GYS2: variants seen among roughly 807,000 people sequenced by gnomAD.
GYS2 encodes the protein glycogen synthase 2.
A neutral mutation model predicts 85.6 loss-of-function variants in GYS2; 80 were observed. The observed-to-expected ratio is 0.93, with a 90% CI of 0.78 to 1.13. The LOEUF (loss-of-function observed/expected upper bound fraction) is 1.13. Ranked by LOEUF, GYS2 falls within the 50% of genes most tolerant of loss-of-function variation. The pLI is 0.00. For missense variants in GYS2, 881 were observed against 854.9 expected, an observed-to-expected ratio of 1.03 and a Z score of -0.38; for synonymous variants, 328 against 300.7, an observed-to-expected ratio of 1.09 and a Z score of -0.94.
intron 4 of GYS2, among the ~76,000 whole-genome samples, chr12:21,572,741 T>C (rs1245279933): frequency 6.6e-6 from 1 of 152,228 alleles, no homozygotes; most frequent in Admixed American, 6.5e-5. Context: ...TATATAACTA[T>C]ATACTATAAT....
chr12:21,560,667 A>C (rs1238910077), intron 7 of GYS2, among the ~76,000 whole-genome samples, 175 bp from the exon 8 acceptor site: 1 of 152,246 alleles, frequency 6.6e-6, no homozygotes, highest in Non-Finnish European at 1.5e-5. Flanking sequence ...CAGAAATTTT[A>C]ATTAAAATCA....
At chr12:21,589,477 G>A (rs1461715934) in intron 1 of GYS2, among the ~76,000 whole-genome samples, 1 of 152,138 alleles carries the variant, frequency 6.6e-6, no homozygotes, top group African/African-American at 2.4e-5. Context: ...ACTAAGGGCA[G>A]CTGACACTCA....
chr12:21,587,621 C>A (rs920821325), intron 1 of GYS2, among the ~76,000 whole-genome samples: 1 of 152,052 alleles, frequency 6.6e-6, no homozygotes, highest in Non-Finnish European at 1.5e-5. Flanking sequence ...AACTGTGAGA[C>A]AATTAAACGT....
chr12:21,549,655 T>A (rs1944083011), intron 11 of GYS2, among the ~76,000 whole-genome samples: 1 of 152,216 alleles, frequency 6.6e-6, no homozygotes. Context: ...TTTATTTTGA[T>A]GTATGTCCCT....
intron 1 of GYS2, among the ~76,000 whole-genome samples, chr12:21,592,859 C>G (rs924278956): frequency 3.3e-5 from 5 of 151,932 alleles, no homozygotes; most frequent in Non-Finnish European, 7.4e-5. Flanking sequence ...GACGCATTCC[C>G]CAGGATACAC....
chr12:21,550,855 C>T (rs983851070), intron 11 of GYS2, among the ~76,000 whole-genome samples: 9 of 152,004 alleles, frequency 5.9e-5, no homozygotes, highest in Non-Finnish European at 1.0e-4. Flanking sequence ...GCAGGAGAAT[C>T]GCCTTGAACC....
chr12:21,539,445 T>C, intron 14 of GYS2, 107 bp from the exon 15 acceptor site: 1 of 752,148 alleles, frequency 1.3e-6, no homozygotes, highest in Non-Finnish European at 2.4e-6. Context: ...ATATGTATTT[T>C]TTAAAGTGAC....
chr12:21,555,123 A>G (rs1473724670), intron 11 of GYS2, among the ~76,000 whole-genome samples: 5 of 152,232 alleles, frequency 3.3e-5, no homozygotes, highest in Admixed American at 3.3e-4. Context: ...TGAGAAAAAC[A>G]GAAGTCTACA....
rs971922065 is a variant in GYS2 at position 21,540,013 on chromosome 12, C to A, written c.1809+397G>T. Among the ~76,000 whole-genome samples the A allele has an allele frequency of 6.6e-5, 10 of 152,318 alleles. No homozygotes were observed. The South Asian group carries it at 1.9e-3, about 28-fold the overall frequency. ...TTCCTGTAGTCATCATTTTGAAAAA[C>A]CATATTATACCCATTACTCACTACA... On this transcript the variant is annotated intron_variant, in intron 14 of 15. Coordinates refer to ENST00000261195, the MANE Select transcript of GYS2 (RefSeq NM_021957.4).
In GYS2 at chr12:21,540,451, C is replaced by T; in HGVS notation, c.1768G>A (p.Glu590Lys). Residue 590 changes from glutamate (E) to lysine (K), a missense_variant, in exon 14 of 16, where the codon GAG (glutamate) becomes AAG (lysine). Glu to Lys is a moderately conservative substitution (Grantham distance 56). Coordinates refer to ENST00000261195, the MANE Select transcript of GYS2 (RefSeq NM_021957.4). The part of the protein sequence containing the change: ...RQRIIQRNRT[E>K]RLSDLLDWRY... ...CAATCCAGAAGATCTGAGAGCCTCT[C>T]AGTTCTGTTCCTCTGGATAATCCTT... The T allele has an allele frequency of 6.2e-7, 1 of 1,614,100 alleles. No homozygotes were observed. The highest frequency in any genetic ancestry group is 8.5e-7 in the Non-Finnish European group (1 of 1,179,980).
At chr12:21,552,113 G>A (rs1253970053) in intron 11 of GYS2, among the ~76,000 whole-genome samples, 2 of 152,156 alleles carry the variant, frequency 1.3e-5, no homozygotes, top group East Asian at 3.9e-4. Context: ...ATGAGATCCT[G>A]TACAAAAATC....
At chr12:21,566,515 T>A (rs1284529549) in intron 5 of GYS2, among the ~76,000 whole-genome samples, 2 of 152,154 alleles carry the variant, frequency 1.3e-5, no homozygotes, top group Non-Finnish European at 2.9e-5. Flanking sequence ...TTGCAGTGTT[T>A]ATGGTTTCTG....
chr12:21,599,112 C>A (rs10734714), intron 1 of GYS2, among the ~76,000 whole-genome samples: 137,808 of 151,612 alleles, frequency 0.91, 63,167 homozygotes, highest in East Asian at 0.99. Context: ...GTCTCTCTCT[C>A]TATATATATG....
At chr12:21,597,915 C>G (rs1944714157) in intron 1 of GYS2, among the ~76,000 whole-genome samples, 1 of 151,984 alleles carries the variant, frequency 6.6e-6, no homozygotes, top group Non-Finnish European at 1.5e-5. Context: ...AACTGGAAGT[C>G]ATTATGTTAA....
In GYS2 at chr12:21,576,040, C is replaced by T. The variant is rs1364491647; in HGVS notation, c.321G>A (p.Trp107Ter). ...CCACATAAGGACTTCCTTCTATCAG[C>T]CATCTTCCAAAATGCACCTGTCATA... ...KHGCQVHFGR[W>*]LIEGSPYVVL... Residue 107 changes from tryptophan to a stop codon, truncating the protein, a stop_gained, in exon 3 of 16, where the codon TGG (tryptophan) becomes TGA (stop). Transcript: ENST00000261195. LOFTEE classifies it high-confidence loss of function. The T allele has an allele frequency of 1.9e-6, 3 of 1,612,808 alleles. No individual in the cohort carries two copies. The highest frequency in any genetic ancestry group is 2.7e-5 in the African/African-American group (2 of 74,872).
At chr12:21,594,937 A>G (rs556607456) in intron 1 of GYS2, among the ~76,000 whole-genome samples, 1 of 152,336 alleles carries the variant, frequency 6.6e-6, no homozygotes, top group African/African-American at 2.4e-5. Context: ...CTAGAAATGC[A>G]TCCACATATT....
intron 5 of GYS2, among the ~76,000 whole-genome samples, chr12:21,565,220 A>G (rs1405490169): frequency 1.3e-5 from 2 of 151,620 alleles, no homozygotes; most frequent in Non-Finnish European, 2.9e-5. Flanking sequence ...AATTTAACAA[A>G]GAGTACTCCA....
chr12:21,558,743 G>A (rs1591789317), intron 10 of GYS2, among the ~76,000 whole-genome samples: 1 of 152,166 alleles, frequency 6.6e-6, no homozygotes, highest in African/African-American at 2.4e-5. Context: ...AATTCCACTC[G>A]ACTAAGAAAT....
At chr12:21,566,883 A>T (rs537803640) in intron 5 of GYS2, among the ~76,000 whole-genome samples, 116 of 152,326 alleles carry the variant, frequency 7.6e-4, no homozygotes, top group Non-Finnish European at 1.3e-3. Context: ...TCTTAAGAAA[A>T]CAAAAATTTA....
Sources: gnomAD v4.1 joint callset for allele counts (sites outside exome capture counted in the v4.1 genomes callset) on GRCh38, gnomAD v4.1.1 for gene constraint, MANE v1.5 for transcripts, NCBI Gene and HGNC (gene_info 2026-07-23, HGNC 2026-07-21) for gene names.